Variants in GRIN2D observed in about 807,000 individuals in gnomAD.
GRIN2D encodes glutamate receptor ionotropic, NMDA 2D.
GRIN2D carries 37 observed loss-of-function variants against 103.2 expected under a neutral mutation model. That is an observed-to-expected ratio of 0.36 (90% CI 0.28 to 0.47). GRIN2D has a LOEUF of 0.47. Ranked by LOEUF, GRIN2D falls within the 20% of genes least tolerant of loss-of-function variation. GRIN2D has a pLI of 1.00. For missense variants in GRIN2D, 1,557 were observed against 1,910.6 expected, an observed-to-expected ratio of 0.81 and a Z score of 3.45; for synonymous variants, 845 against 885.6, an observed-to-expected ratio of 0.95 and a Z score of 0.81.
intron 11 of GRIN2D, among the ~76,000 whole-genome samples, chr19:48,439,719 C>T (rs1217298708): frequency 6.6e-6 from 1 of 152,068 alleles, no homozygotes; most frequent in Non-Finnish European, 1.5e-5. Context: ...CAAGGTGGGA[C>T]GATAACCTGA....
Position 48,414,523 on chromosome 19 carries a change from A to G in GRIN2D, c.1351A>G (p.Ile451Val). ...PFVIVEPADP[I>V]SGTCIRDSVP... ...TGTCATCGTGGAGCCTGCAGACCCT[A>G]TCAGCGGCACCTGCATCCGAGACTC... Residue 451 changes from isoleucine (I) to valine (V), a missense_variant, in exon 6 of 14, where the codon ATC becomes GTC. By Grantham distance (29) the Ile-to-Val change is conservative. This residue lies in a region of GRIN2D where 197 missense variants were observed against 334.1 expected (regional missense o/e 0.59). Coordinates refer to ENST00000263269, the MANE Select transcript of GRIN2D (RefSeq NM_000836.4). The surrounding 1 kb of genome is among the most constrained non-coding windows in gnomAD (Gnocchi z 4.6). 2 of 1,563,790 alleles carry G rather than the reference A, an allele frequency of 1.3e-6. No individual in the cohort carries two copies. The highest frequency in any genetic ancestry group is 3.8e-5 in the Admixed American group (2 of 52,142).
chr19:48,417,138 G>A (rs1970958739), intron 8 of GRIN2D, among the ~76,000 whole-genome samples: 1 of 152,144 alleles, frequency 6.6e-6, no homozygotes, highest in South Asian at 2.1e-4. Context: ...TACTCCGGAG[G>A]CTGAGGTGTA....
intron 2 of GRIN2D, among the ~76,000 whole-genome samples, chr19:48,395,332 T>C (rs1460206500): frequency 1.3e-5 from 2 of 151,028 alleles, no homozygotes; most frequent in Non-Finnish European, 3.0e-5. Flanking sequence ...TCCCCTCCCA[T>C]GTCAGAGCTA....
intron 3 of GRIN2D, among the ~76,000 whole-genome samples, chr19:48,404,345 T>TC (rs1770535158): frequency 6.6e-6 from 1 of 151,590 alleles, no homozygotes; most frequent in Admixed American, 6.6e-5. Context: ...AGCTCTGTAA[T>TC]CCCCTTCAGA....
chr19:48,399,319 G>T (rs1007089540), intron 3 of GRIN2D, among the ~76,000 whole-genome samples: 1 of 152,102 alleles, frequency 6.6e-6, no homozygotes, highest in South Asian at 2.1e-4. Flanking sequence ...TAATCCCAGC[G>T]CTTTGGAAAG....
chr19:48,421,419 A>T lies in GRIN2D; in HGVS notation c.2092-366A>T, dbSNP rs541012319. On this transcript the variant is annotated intron_variant, in intron 10 of 13. Transcript: ENST00000263269. This position sits in a 1 kb window ranked among gnomAD's most constrained non-coding sequence, Gnocchi z 4.8. ...CTCCAGCCTGGGCAACAAGAGCAAGACTCCGTTTAAAAAAAAAAAAGTGAA... is the reference window on the plus strand; with the variant it reads ...CTCCAGCCTGGGCAACAAGAGCAAGTCTCCGTTTAAAAAAAAAAAAGTGAA... Among the ~76,000 whole-genome samples, 40 of 102,080 alleles carry T rather than the reference A, an allele frequency of 3.9e-4. No individual in the cohort carries two copies. The highest frequency in any genetic ancestry group is 2.1e-3 in the African/African-American group (37 of 17,276). 67.0% of individuals were successfully genotyped at this position (102,080 alleles called of 152,430 possible). A position where few individuals can be genotyped will look rare whatever the true frequency, so the allele number is the denominator to read the frequency against.
rs192677449 is a variant in GRIN2D, at chr19:48,408,420, G to T, written c.1085+3067G>T. On this transcript the variant is annotated intron_variant, in intron 4 of 13. Transcript: ENST00000263269. ...AGGCTGACATGGGAGGATCACTTGA[G>T]CCTTGGAGATCGAGGCTGTAATGAA... 2.8e-4 allele frequency among the ~76,000 whole-genome samples: 42 copies of T among 151,742 alleles called. 1 individual carries two copies. The highest frequency in any genetic ancestry group is 6.9e-3 in the Middle Eastern group (2 of 288).
chr19:48,410,221 G>C (rs989322455), intron 4 of GRIN2D, among the ~76,000 whole-genome samples: 55 of 149,762 alleles, frequency 3.7e-4, no homozygotes, highest in African/African-American at 1.2e-3. Flanking sequence ...GCAGATGAAG[G>C]CCACAGAATT....
chr19:48,442,359 G>A lies in GRIN2D; in HGVS notation c.2650G>A (p.Asp884Asn). 6.2e-7 allele frequency: 1 copy of A among 1,612,616 alleles called. No individual in the cohort carries two copies. The highest frequency in any genetic ancestry group is 1.7e-5 in the Admixed American group (1 of 60,010). The change falls in exon 13 of 14, where the codon GAC (aspartate) becomes AAC (asparagine). Residue 884 changes from aspartate to asparagine, a missense_variant. Around this residue, in one of 7 missense-constraint regions of GRIN2D, gnomAD observed 632 missense variants for 572.8 expected, o/e 1.10. Transcript: ENST00000263269. This position sits in a 1 kb window ranked among gnomAD's most constrained non-coding sequence, Gnocchi z 7.2. ...CTGCCTGGGGCCCACCCACCGCATG[G>A]ACTTCCTGCTGGCCTTCTCCAGGGT... ...RHCLGPTHRM[D>N]FLLAFSRGMY...
At chr19:48,433,884 C>G (rs1296085515) in intron 11 of GRIN2D, among the ~76,000 whole-genome samples, 1 of 152,064 alleles carries the variant, frequency 6.6e-6, no homozygotes, top group Non-Finnish European at 1.5e-5. Flanking sequence ...CTTCTCAGCT[C>G]CAGTGTCTGG....
intron 10 of GRIN2D, among the ~76,000 whole-genome samples, chr19:48,420,274 T>A (rs276708): frequency 0.63 from 95,695 of 151,224 alleles, 31,962 homozygotes; most frequent in East Asian, 0.85. Flanking sequence ...TAAAAGTACA[T>A]AAAATTAGCC....
chr19:48,442,578 C>T lies in GRIN2D; in HGVS notation c.2674-22C>T, dbSNP rs753152163. ...GTCCTGGGCATCTCGCGCTGACCCCCGTCCTGTCCCCGGACCCGCAGGGCA... is the reference window on the plus strand; with the variant it reads ...GTCCTGGGCATCTCGCGCTGACCCCTGTCCTGTCCCCGGACCCGCAGGGCA... On this transcript the variant is annotated intron_variant, in intron 13 of 13. Transcript: ENST00000263269. The surrounding 1 kb of genome is among the most constrained non-coding windows in gnomAD (Gnocchi z 7.2). 438 of 1,492,968 alleles carry T rather than the reference C, an allele frequency of 2.9e-4. No homozygotes were observed. The highest frequency in any genetic ancestry group is 3.5e-4 in the Non-Finnish European group (393 of 1,128,204). 92.5% of individuals were successfully genotyped at this position (1,492,968 alleles called of 1,614,324 possible). A position where few individuals can be genotyped will look rare whatever the true frequency, so the allele number is the denominator to read the frequency against.
At chr19:48,398,172 C>T (rs1292144599) in intron 2 of GRIN2D, among the ~76,000 whole-genome samples, 195 bp from the exon 3 acceptor site, 1 of 151,802 alleles carries the variant, frequency 6.6e-6, no homozygotes, top group Non-Finnish European at 1.5e-5. Context: ...GTCTCTCTCC[C>T]TTCCATCTCT....
chr19:48,405,230 C>G lies in GRIN2D; in HGVS notation c.962C>G (p.Ala321Gly). 2 of 1,598,150 alleles carry G rather than the reference C, an allele frequency of 1.3e-6. No individual in the cohort carries two copies. The highest frequency in any genetic ancestry group is 1.7e-6 in the Non-Finnish European group (2 of 1,177,234). ...CGGGATGACCTGGCTCGGCGAGTGG[C>G]AGCTGGCGTGGCCGTAGTGGCCAGA... ...GWRDDLARRVAAGVAVVARGA... is the reference protein window; with the variant it reads ...GWRDDLARRVGAGVAVVARGA... The change falls in exon 4 of 14, where the codon GCA (alanine) becomes GGA (glycine). Residue 321 changes from alanine to glycine, a missense_variant. Transcript: ENST00000263269. The surrounding 1 kb of genome is among the most constrained non-coding windows in gnomAD (Gnocchi z 5.1).
rs1971327567 is a variant in GRIN2D at position 48,443,175 on chromosome 19, GGGCGCA to G, written c.3254_3259del (p.Ala1085_Gly1086del). 9.4e-7 allele frequency: 1 copy of G among 1,062,240 alleles called. No homozygotes were observed. The highest frequency in any genetic ancestry group is 1.1e-6 in the Non-Finnish European group (1 of 875,936). 65.8% of individuals were successfully genotyped at this position (1,062,240 alleles called of 1,614,324 possible). A position where few individuals can be genotyped will look rare whatever the true frequency, so the allele number is the denominator to read the frequency against. On this transcript the variant is annotated inframe_deletion, in exon 14 of 14. Transcript: ENST00000263269. This position sits in a 1 kb window ranked among gnomAD's most constrained non-coding sequence, Gnocchi z 8.9. ...GCGCGGGCGGCGCGGGGGGCACGGG[GGGCGCA>G]GGCGGAGGAGCCCCGGCCGCTCCGC...
chr19:48,443,134 C>A lies in GRIN2D; in HGVS notation c.3208C>A (p.Pro1070Thr). ...GCCGCGCTCGGACCCCGAGAGCCAACCCCTGCTGGGGCCAGGCGCGGGCGG... is the reference window on the plus strand; with the variant it reads ...GCCGCGCTCGGACCCCGAGAGCCAAACCCTGCTGGGGCCAGGCGCGGGCGG... ...RWPRSDPESQPLLGPGAGGAG... is the reference protein window; with the variant it reads ...RWPRSDPESQTLLGPGAGGAG... The change falls in exon 14 of 14, where the codon CCC becomes ACC. Residue 1070 changes from proline to threonine, a missense_variant. Transcript: ENST00000263269. This position sits in a 1 kb window ranked among gnomAD's most constrained non-coding sequence, Gnocchi z 8.9. 1 of 1,000,768 alleles carries A rather than the reference C, an allele frequency of 1.0e-6. No individual in the cohort carries two copies. Among genetic ancestry groups the A allele is most frequent in the Non-Finnish European group, 1.2e-6 (1 of 841,296 alleles). The allele number at this position is 1,000,768 out of a possible 1,614,324, so 62.0% of individuals were successfully genotyped here.
chr19:48,398,568 G>C lies in GRIN2D; in HGVS notation c.176G>C (p.Gly59Ala). 8.5e-7 allele frequency: 1 copy of C among 1,181,208 alleles called. No homozygotes were observed. The highest frequency in any genetic ancestry group is 1.0e-6 in the Non-Finnish European group (1 of 956,146). 73.2% of individuals were successfully genotyped at this position (1,181,208 alleles called of 1,614,324 possible). ...RPLNVALVFS[G>A]PAYAAEAARL... ...CTCAACGTGGCGCTCGTGTTCTCGG[G>C]GCCCGCGTACGCGGCCGAGGCGGCA... Residue 59 changes from glycine (G) to alanine (A), a missense_variant, in exon 3 of 14, where the codon GGG becomes GCG. This residue lies in a region of GRIN2D where 490 missense variants were observed against 601.1 expected (regional missense o/e 0.82). Transcript: ENST00000263269.
In GRIN2D at chr19:48,414,308, C is replaced by A; in HGVS notation, c.1201-65C>A. On this transcript the variant is annotated intron_variant, in intron 5 of 13. Transcript: ENST00000263269. The surrounding 1 kb of genome is among the most constrained non-coding windows in gnomAD (Gnocchi z 4.6). ...ACACCTAGGTCTGAGGGAAGAGGATCATGGAGGCCAGGATACACCGGGAAG... is the reference window on the plus strand; with the variant it reads ...ACACCTAGGTCTGAGGGAAGAGGATAATGGAGGCCAGGATACACCGGGAAG... 1 of 1,339,670 alleles carries A rather than the reference C, an allele frequency of 7.5e-7. No homozygotes were observed. 83.0% of individuals were successfully genotyped at this position (1,339,670 alleles called of 1,614,324 possible). A position where few individuals can be genotyped will look rare whatever the true frequency, so the allele number is the denominator to read the frequency against.
At chr19:48,399,205 A>G (rs2147435315) in intron 3 of GRIN2D, among the ~76,000 whole-genome samples, 1 of 152,260 alleles carries the variant, frequency 6.6e-6, no homozygotes, top group African/African-American at 2.4e-5. Context: ...ACGAAAAGGG[A>G]CTAGCCCCAA....
Sources: gnomAD v4.1 joint callset for allele counts (sites outside exome capture counted in the v4.1 genomes callset) on GRCh38, gnomAD v4.1.1 for gene constraint, gnomAD v4.1.1 regional missense constraint, Gnocchi (gnomAD v3.1) non-coding constraint, MANE v1.5 for transcripts, NCBI Gene and HGNC (gene_info 2026-07-23, HGNC 2026-07-21) for gene names.